Variants in GREB1 observed in about 807,000 individuals in gnomAD.
The protein encoded by GREB1 is growth regulating estrogen receptor binding 1, also known as protein GREB1.
A neutral mutation model predicts 200.7 loss-of-function variants in GREB1; 106 were observed. That is an observed-to-expected ratio of 0.53 (90% confidence interval 0.45 to 0.62). The LOEUF (loss-of-function observed/expected upper bound fraction) is 0.62, where lower values mean the gene tolerates loss of function less well. Ranked by LOEUF, GREB1 falls within the 20% of genes least tolerant of loss-of-function variation. The pLI, the probability that GREB1 is intolerant of heterozygous loss-of-function variation, is 0.00. For missense variants in GREB1, 2,243 were observed against 2,556.8 expected (o/e 0.88, Z 2.65); for synonymous variants, 1,132 against 1,092.4 (o/e 1.04, Z -0.72).
chr2:11,533,646 A>G (rs1674158678), upstream of GREB1, among the ~76,000 whole-genome samples: 1 of 152,216 alleles, frequency 6.6e-6, no homozygotes, highest in Non-Finnish European at 1.5e-5. Context: ...AAACCCAACA[A>G]TTGGTTCTTT....
chr2:11,491,031 G>A (rs1672765121), intron 1 of GREB1, among the ~76,000 whole-genome samples: 2 of 152,112 alleles, frequency 1.3e-5, no homozygotes, highest in Non-Finnish European at 1.5e-5. Context: ...GTTTCTCCAC[G>A]TCCTTGTGCA....
chr2:11,593,029 C>G lies in GREB1; in HGVS notation c.1599C>G (p.Phe533Leu). Residue 533 changes from phenylalanine to leucine, a missense_variant, in exon 11 of 33, where the codon TTC (phenylalanine) becomes TTG (leucine). Transcript: ENST00000381486. The stretch of plus-strand genomic sequence containing the variant: ...TGGCCGAGGGCCTCTCCGAGATGTT[C>G]CGGCTGTTGGTCGAGGGCAAGCTTG... The part of the protein sequence containing the change: ...YSLAEGLSEM[F>L]RLLVEGKLAK... 6.2e-7 allele frequency: 1 copy of G among 1,613,274 alleles called. No individual in the cohort carries two copies. Among genetic ancestry groups the G allele is most frequent in the Non-Finnish European group, 8.5e-7 (1 of 1,179,768 alleles).
rs543805637 is a variant in GREB1, at chr2:11,640,337, G to C, written c.5733G>C (p.Gln1911His). 2.6e-5 allele frequency: 42 copies of C among 1,614,158 alleles called. 1 individual carries two copies. The South Asian group carries it at 4.5e-4, about 17-fold the overall frequency. Residue 1911 changes from glutamine to histidine, a missense_variant, in exon 33 of 33, where the codon CAG becomes CAC. Transcript: ENST00000381486. The surrounding 1 kb of genome is among the most constrained non-coding windows in gnomAD (Gnocchi z 4.6). Reference sequence around the variant, plus strand: ...GTCAGGACCGGAGCTCACTGCGCCAGACGGTCGTCCGCCTGGAGCTCGAGG... The same window carrying C: ...GTCAGGACCGGAGCTCACTGCGCCACACGGTCGTCCGCCTGGAGCTCGAGG... Reference protein sequence around the residue: ...VICQDRSSLRQTVVRLELEDE... With the variant: ...VICQDRSSLRHTVVRLELEDE...
chr2:11,568,853 C>A (rs970433276), intron 4 of GREB1, among the ~76,000 whole-genome samples: 10 of 152,232 alleles, frequency 6.6e-5, no homozygotes, highest in African/African-American at 2.4e-4. Context: ...TTGGTAATAA[C>A]CATTGCTTTC....
intron 28 of GREB1, 112 bp from the exon 29 acceptor site, chr2:11,634,019 C>T: frequency 1.0e-6 from 1 of 1,004,318 alleles, no homozygotes; most frequent in Non-Finnish European, 1.6e-6. Context: ...GGGGCACCGG[C>T]CCGTCCAGGT....
chr2:11,519,926 C>T (rs931359664), intron 1 of GREB1, among the ~76,000 whole-genome samples: 1 of 152,098 alleles, frequency 6.6e-6, no homozygotes, highest in Non-Finnish European at 1.5e-5. Context: ...CTGCTTGAGC[C>T]CAGGAGTTCA....
At chr2:11,623,924 A>G (rs756479415) in intron 23 of GREB1, among the ~76,000 whole-genome samples, 22 of 152,118 alleles carry the variant, frequency 1.4e-4, no homozygotes, top group Non-Finnish European at 2.6e-4. Flanking sequence ...ACAAAAACAA[A>G]TAAAAGTAGA....
At chr2:11,587,182 G>A (rs1045777158) in intron 9 of GREB1, among the ~76,000 whole-genome samples, 6 of 152,036 alleles carry the variant, frequency 3.9e-5, no homozygotes, top group African/African-American at 7.2e-5. Context: ...TAAAGCCCTC[G>A]TCTCCCGGAC....
intron 17 of GREB1, 109 bp from the exon 18 acceptor site, chr2:11,610,579 A>G: frequency 1.3e-6 from 1 of 787,416 alleles, no homozygotes; most frequent in East Asian, 2.5e-5. Flanking sequence ...ACAACTGCGT[A>G]TAATGCCGGA....
intron 1 of GREB1, among the ~76,000 whole-genome samples, chr2:11,484,955 C>T (rs991161014): frequency 3.3e-5 from 5 of 152,184 alleles, no homozygotes; most frequent in Admixed American, 2.0e-4. Context: ...ACGCCATTCT[C>T]CTGCTTCCTG....
At chr2:11,528,833 T>C (rs1673972438) in intron 1 of GREB1, among the ~76,000 whole-genome samples, 1 of 152,240 alleles carries the variant, frequency 6.6e-6, no homozygotes, top group Admixed American at 6.5e-5. Context: ...AAGTCATTCA[T>C]TAATTAAATT....
intron 13 of GREB1, among the ~76,000 whole-genome samples, chr2:11,596,952 C>A: frequency 6.7e-6 from 1 of 148,812 alleles, no homozygotes; most frequent in Admixed American, 6.7e-5. Context: ...AGGTGTGCAC[C>A]GTGAGAGTGG....
intron 5 of GREB1, 78 bp from the exon 6 acceptor site, chr2:11,578,219 C>A: frequency 6.8e-7 from 1 of 1,474,128 alleles, no homozygotes; most frequent in Non-Finnish European, 9.4e-7. Context: ...CTGTAGGACA[C>A]GTTCCACTCC....
upstream of GREB1, among the ~76,000 whole-genome samples, chr2:11,532,068 T>C (rs891903541): frequency 1.6e-4 from 24 of 152,256 alleles, no homozygotes; most frequent in African/African-American, 5.3e-4. Context: ...ATATTAAATA[T>C]GTTGAAATTA....
chr2:11,500,860 AAG>A (rs1178114235), intron 1 of GREB1, among the ~76,000 whole-genome samples: 1 of 152,192 alleles, frequency 6.6e-6, no homozygotes. Context: ...AAGTCAGAGT[AAG>A]AGGAATGGCA....
intron 1 of GREB1, among the ~76,000 whole-genome samples, chr2:11,525,496 C>CAA (rs764748651): frequency 0.042 from 2,090 of 49,750 alleles, 99 homozygotes; most frequent in African/African-American, 0.12. Context: ...GACTCCATCT[C>CAA]AAAAAAAAAA....
rs551571786 is a variant in GREB1 at position 11,641,198 on chromosome 2, C to G, written c.*744C>G. The G allele has an allele frequency of 1.3e-5, 2 of 152,114 alleles. No individual in the cohort carries two copies. The highest frequency in any genetic ancestry group is 2.1e-4 in the South Asian group (1 of 4,816). 9.4% of individuals were successfully genotyped at this position (152,114 alleles called of 1,614,324 possible). On this transcript the variant is annotated 3_prime_UTR_variant, in exon 33 of 33. Coordinates refer to ENST00000381486, the MANE Select transcript of GREB1 (RefSeq NM_014668.4). Reference sequence around the variant, plus strand: ...TAACAGAGGTTGACCTAAAATTAGCCTTACAAAGGAGAAAGGACCACATTG... The same window carrying G: ...TAACAGAGGTTGACCTAAAATTAGCGTTACAAAGGAGAAAGGACCACATTG...
intron 1 of GREB1, among the ~76,000 whole-genome samples, chr2:11,490,975 A>G (rs1490231082): frequency 1.3e-5 from 2 of 152,198 alleles, no homozygotes; most frequent in Non-Finnish European, 2.9e-5. Context: ...TCACCATTTT[A>G]CGTGTCTACC....
chr2:11,514,861 G>A (rs1372793448), intron 1 of GREB1, among the ~76,000 whole-genome samples: 3 of 152,186 alleles, frequency 2.0e-5, no homozygotes, highest in Admixed American at 1.3e-4. Context: ...TGTATGCCCA[G>A]TGCTTAGTGC....
Sources: allele counts gnomAD v4.1 joint callset (sites outside exome capture counted in the v4.1 genomes callset), GRCh38; gene constraint gnomAD v4.1.1; non-coding constraint Gnocchi (gnomAD v3.1); transcripts MANE v1.5; gene names NCBI Gene and HGNC (gene_info 2026-07-23, HGNC 2026-07-21).